Variants in MRPS6 observed in about 807,000 individuals in gnomAD.
MRPS6 encodes the protein small ribosomal subunit protein bS6m.
In MRPS6, 6 loss-of-function variants were observed where a neutral mutation model predicts 13.1. The observed-to-expected ratio is 0.46, with a 90% CI of 0.25 to 0.91. The LOEUF is 0.91. Among genes scored for constraint, MRPS6 ranks in the 40% least tolerant of loss-of-function variants. The probability of loss-of-function intolerance (pLI) is 0.18; values close to 1 mark genes in which losing one functional copy is unlikely to be tolerated. For synonymous variants in MRPS6, 61 were observed against 56.5 expected, an observed-to-expected ratio of 1.08 and a Z score of -0.36; for missense variants, 164 against 155.6, an observed-to-expected ratio of 1.05 and a Z score of -0.29.
chr21:34,104,027 C>T lies in MRPS6; in HGVS notation c.46-21314C>T, dbSNP rs1979365227. ...GGAAATATTACCTCTTAACAGTGCC[C>T]CCCCAAACATGCAGAAAGTCATACT... On this transcript the variant is annotated intron_variant, in intron 1 of 2. Coordinates refer to ENST00000399312, the MANE Select transcript of MRPS6 (RefSeq NM_032476.4). 9 of 999,890 alleles carry T rather than the reference C, an allele frequency of 9.0e-6. No homozygotes were observed. In the South Asian group the frequency reaches 2.8e-4, roughly 31 times the overall value. The allele number at this position is 999,890 out of a possible 1,614,324, so 61.9% of individuals were successfully genotyped here.
At chr21:34,074,454 C>G (rs1374029625) in intron 1 of MRPS6, among the ~76,000 whole-genome samples, 1 of 152,196 alleles carries the variant, frequency 6.6e-6, no homozygotes, top group African/African-American at 2.4e-5. Context: ...ACTTTCTTCC[C>G]CCTGCTTTTG....
chr21:34,140,643 T>C (rs778540417), intron 2 of MRPS6, among the ~76,000 whole-genome samples: 2 of 152,246 alleles, frequency 1.3e-5, no homozygotes, highest in African/African-American at 4.8e-5. Flanking sequence ...TTCTATCGAT[T>C]ACTGAAAGAG....
chr21:34,105,551 TATG>T lies in MRPS6; in HGVS notation c.46-19786_46-19784del, dbSNP rs1033850531. On this transcript the variant is annotated intron_variant, in intron 1 of 2. Coordinates refer to ENST00000399312, the MANE Select transcript of MRPS6 (RefSeq NM_032476.4). Reference sequence around the variant, plus strand: ...AACATGTTCTTCCCAGTGTCCTGCTTATGATGCTTTGTTCAGATTTTTTGTAAG... The same window carrying T: ...AACATGTTCTTCCCAGTGTCCTGCTTATGCTTTGTTCAGATTTTTTGTAAG... 9 of 999,744 alleles carry T rather than the reference TATG, an allele frequency of 9.0e-6. 1 individual carries two copies. Among genetic ancestry groups the T allele is most frequent in the Admixed American group, 1.2e-4 (2 of 16,250 alleles). 61.9% of individuals were successfully genotyped at this position (999,744 alleles called of 1,614,324 possible).
Position 34,095,625 on chromosome 21 carries a change from C to T in MRPS6, c.45+21880C>T, listed in dbSNP as rs143944881. ...TATTTTCACCAAGCTCTCGGTGGAT[C>T]TGTATTCGGGTGCCCTTTTTATCCA... On this transcript the variant is annotated intron_variant, in intron 1 of 2. Coordinates refer to ENST00000399312, the MANE Select transcript of MRPS6 (RefSeq NM_032476.4). The T allele has an allele frequency of 9.0e-5, 145 of 1,610,768 alleles. 1 individual carries two copies. The highest frequency in any genetic ancestry group is 3.2e-4 in the South Asian group (29 of 90,748).
intron 1 of MRPS6, among the ~76,000 whole-genome samples, chr21:34,109,761 A>G (rs1007755231): frequency 5.3e-5 from 8 of 152,042 alleles, no homozygotes; most frequent in Non-Finnish European, 1.2e-4. Flanking sequence ...TTCTTCCAGA[A>G]TGTTATTGCT....
At chr21:34,099,426 A>G in intron 1 of MRPS6, 1 of 1,000,142 alleles carries the variant, frequency 1.0e-6, no homozygotes, top group Non-Finnish European at 1.2e-6. Flanking sequence ...TTCCTTTGGG[A>G]CAACCTTTTG....
intron 2 of MRPS6, among the ~76,000 whole-genome samples, chr21:34,136,627 A>G (rs1035349871): frequency 1.3e-5 from 2 of 152,106 alleles, no homozygotes; most frequent in Non-Finnish European, 2.9e-5. Flanking sequence ...TGTCTGTTCA[A>G]ATCTTATGAC....
intron 2 of MRPS6, among the ~76,000 whole-genome samples, chr21:34,130,904 C>T (rs1980480963): frequency 6.6e-6 from 1 of 152,100 alleles, no homozygotes; most frequent in South Asian, 2.1e-4. Context: ...TAATTAGCAC[C>T]ACACATGTAA....
intron 1 of MRPS6, among the ~76,000 whole-genome samples, chr21:34,074,429 G>GCGCCTCCAGAAGACACTTTCTTC (rs1360447963): frequency 6.6e-6 from 1 of 152,226 alleles, no homozygotes; most frequent in African/African-American, 2.4e-5. Flanking sequence ...GGCCTTTCTT[G>GCGCCTCCAGAAGACACTTTCTTC]CGCCTCCAGA....
chr21:34,073,840 G>C, intron 1 of MRPS6, 95 bp downstream of exon 1: 1 of 883,960 alleles, frequency 1.1e-6, no homozygotes, highest in Non-Finnish European at 1.5e-6. Flanking sequence ...CGGGACCCCG[G>C]GCCTTCCTGC....
chr21:34,094,982 C>T, intron 1 of MRPS6: 1 of 542,948 alleles, frequency 1.8e-6, no homozygotes, highest in South Asian at 3.0e-5. Flanking sequence ...GTTCTCAATC[C>T]CAATTAAGAA....
intron 2 of MRPS6, among the ~76,000 whole-genome samples, chr21:34,139,192 G>T (rs576403141): frequency 8.9e-6 from 1 of 112,012 alleles, no homozygotes; most frequent in Non-Finnish European, 1.8e-5. Flanking sequence ...GTTGTGGGGT[G>T]GGGGGAGGGG....
chr21:34,110,864 C>T (rs1222274748), intron 1 of MRPS6, among the ~76,000 whole-genome samples: 2 of 152,166 alleles, frequency 1.3e-5, no homozygotes, highest in African/African-American at 4.8e-5. Context: ...AGAACTCATG[C>T]CTGCATTGTG....
intron 1 of MRPS6, among the ~76,000 whole-genome samples, chr21:34,074,477 G>T (rs911838777): frequency 1.3e-5 from 2 of 152,194 alleles, no homozygotes; most frequent in Admixed American, 6.5e-5. Context: ...TGATCTTGAG[G>T]TAGGGGATTT....
intron 1 of MRPS6, among the ~76,000 whole-genome samples, chr21:34,079,430 CCTT>C (rs567956772): frequency 1.1e-3 from 163 of 150,968 alleles, no homozygotes; most frequent in Admixed American, 3.6e-3. Flanking sequence ...TTGATTTCTC[CCTT>C]CTTCTTCTTT....
chr21:34,092,830 A>G (rs1978774105), intron 1 of MRPS6, among the ~76,000 whole-genome samples: 1 of 152,174 alleles, frequency 6.6e-6, no homozygotes, highest in Admixed American at 6.5e-5. Flanking sequence ...TTTGGAAAGC[A>G]CGTGGTTGCT....
intron 1 of MRPS6, among the ~76,000 whole-genome samples, chr21:34,082,750 C>T (rs1313784872): frequency 2.6e-5 from 4 of 151,718 alleles, no homozygotes; most frequent in African/African-American, 7.3e-5. Flanking sequence ...TTTTTTTTCA[C>T]TCCCACTCCA....
intron 1 of MRPS6, among the ~76,000 whole-genome samples, chr21:34,117,708 A>T (rs1979974942): frequency 6.6e-6 from 1 of 152,152 alleles, no homozygotes; most frequent in Non-Finnish European, 1.5e-5. Flanking sequence ...TACATTTCTG[A>T]TACCCGCAGA....
At chr21:34,100,733 A>G (rs967653296) in intron 1 of MRPS6, 6 of 1,000,016 alleles carry the variant, frequency 6.0e-6, no homozygotes, top group East Asian at 1.1e-4. Flanking sequence ...GTGAGAGCCA[A>G]TAGAGTGTGT....
Sources: allele counts gnomAD v4.1 joint callset (sites outside exome capture counted in the v4.1 genomes callset), GRCh38; gene constraint gnomAD v4.1.1; transcripts MANE v1.5; gene names NCBI Gene and HGNC (gene_info 2026-07-23, HGNC 2026-07-21).